RSPH6A: variants seen among roughly 807,000 people sequenced by gnomAD.
RSPH6A encodes the protein radial spoke head protein 6 homolog A.
In RSPH6A, 49 loss-of-function variants were observed where a neutral mutation model predicts 66.1. The observed-to-expected ratio is 0.74, with a 90% CI of 0.59 to 0.94. The LOEUF (loss-of-function observed/expected upper bound fraction) is 0.94, where lower values mean the gene tolerates loss of function less well. Among genes scored for constraint, RSPH6A ranks in the 40% least tolerant of loss-of-function variants. The pLI is 0.00. For synonymous variants in RSPH6A, 419 were observed against 402.4 expected (o/e 1.04, Z -0.49); for missense variants, 977 against 948.3 (o/e 1.03, Z -0.40).
intron 2 of RSPH6A, among the ~76,000 whole-genome samples, chr19:45,807,579 C>T (rs899677110): frequency 9.9e-5 from 15 of 152,172 alleles, no homozygotes; most frequent in African/African-American, 3.4e-4. Flanking sequence ...GGCACAATCT[C>T]GGCTCACTGC....
At chr19:45,797,120 C>T (rs898852914) in intron 5 of RSPH6A, among the ~76,000 whole-genome samples, 2 of 151,534 alleles carry the variant, frequency 1.3e-5, no homozygotes, top group African/African-American at 4.8e-5. Flanking sequence ...CTCACGCCTG[C>T]AATCCCAGCA....
At position 45,804,386 on chromosome 19, in the gene RSPH6A, C is replaced by T. The variant is rs779461828; in HGVS notation, c.1519G>A (p.Gly507Ser). The T allele has an allele frequency of 6.2e-6, 10 of 1,614,058 alleles. No homozygotes were observed. Among genetic ancestry groups the T allele is most frequent in the South Asian group, 1.1e-5 (1 of 91,082 alleles). Residue 507 changes from glycine to serine, a missense_variant, in exon 3 of 6, where the codon GGC becomes AGC. Physicochemically the swap from Gly to Ser is moderately conservative, Grantham distance 56 (BLOSUM62 0). Transcript: ENST00000221538. This position sits in a 1 kb window ranked among gnomAD's most constrained non-coding sequence, Gnocchi z 5.8. ...LGFYQFSEEE[G>S]DEEEEGGAGR... is the part of the protein sequence containing the mutation. ...GCACCACCTTCCTCCTCCTCGTCGC[C>T]CTCCTCCTCACTAAACTGGTAGAAG...
In RSPH6A at chr19:45,807,510, C is replaced by T. The variant is rs528798932; in HGVS notation, c.889-2494G>A. On this transcript the variant is annotated intron_variant, in intron 2 of 5. Transcript: ENST00000221538. Reference sequence around the variant, plus strand: ...GATTACAAGCGTGAGCCACTGCGCCCGGCCCATTACTATTTTTTGAGACGG... The same window carrying T: ...GATTACAAGCGTGAGCCACTGCGCCTGGCCCATTACTATTTTTTGAGACGG... Among the ~76,000 whole-genome samples the T allele has an allele frequency of 6.8e-5, 10 of 147,452 alleles. No homozygotes were observed. In the South Asian group the frequency reaches 1.7e-3, roughly 26 times the overall value.
chr19:45,810,948 A>C, intron 1 of RSPH6A, 108 bp from the exon 2 acceptor site: 9 of 758,556 alleles, frequency 1.2e-5, no homozygotes, highest in Middle Eastern at 2.6e-4. Context: ...ACAGTAGGGA[A>C]CTGAAAAGGT....
intron 2 of RSPH6A, among the ~76,000 whole-genome samples, chr19:45,806,813 G>T (rs1970550569): frequency 6.6e-6 from 1 of 151,548 alleles, no homozygotes; most frequent in Non-Finnish European, 1.5e-5. Context: ...GGAAATGCCT[G>T]CCAGCCCCTA....
chr19:45,800,656 G>A, intron 4 of RSPH6A, 93 bp from the exon 5 acceptor site: 1 of 1,090,694 alleles, frequency 9.2e-7, no homozygotes, highest in African/African-American at 1.6e-5. Context: ...AGCAGTGAGG[G>A]AGGCCTGGAG....
intron 4 of RSPH6A, among the ~76,000 whole-genome samples, chr19:45,801,781 A>ACAC (rs1316054828): frequency 7.0e-6 from 1 of 142,900 alleles, no homozygotes; most frequent in South Asian, 2.3e-4. Context: ...AATGACAACA[A>ACAC]CACCACCACC....
At chr19:45,812,686 G>A (rs912887151) in intron 1 of RSPH6A, among the ~76,000 whole-genome samples, 2 of 151,926 alleles carry the variant, frequency 1.3e-5, no homozygotes, top group African/African-American at 4.8e-5. Flanking sequence ...GCTGAACCAC[G>A]TAAGGCCTTT....
intron 2 of RSPH6A, among the ~76,000 whole-genome samples, chr19:45,806,775 C>A (rs1322191276): frequency 6.6e-6 from 1 of 151,072 alleles, no homozygotes; most frequent in East Asian, 1.9e-4. Flanking sequence ...CTGCACGGGC[C>A]ACACACCAAT....
chr19:45,808,369 G>A (rs974807313), intron 2 of RSPH6A, among the ~76,000 whole-genome samples: 1 of 152,172 alleles, frequency 6.6e-6, no homozygotes, highest in African/African-American at 2.4e-5. Flanking sequence ...AGAGGTTGCA[G>A]TGAGCTGAGA....
In RSPH6A at chr19:45,814,839, T is replaced by C. The variant is rs764190896; in HGVS notation, c.338A>G (p.Glu113Gly). ...YSDESRMQVA[E>G]LTTSLMLQRL... ...CTGCAGCATTAGGCTGGTGGTGAGC[T>C]CGGCGACCTGCATCCTGCTTTCATC... The change falls in exon 1 of 6, where the codon GAG (glutamate) becomes GGG (glycine). Residue 113 changes from glutamate to glycine, a missense_variant. Transcript: ENST00000221538. 4.3e-6 allele frequency: 7 copies of C among 1,613,864 alleles called. No individual in the cohort carries two copies. In the East Asian group the frequency reaches 1.6e-4, roughly 36 times the overall value.
Position 45,802,177 on chromosome 19 carries a change from C to G in RSPH6A, c.1741G>C (p.Glu581Gln). 6.4e-7 allele frequency: 1 copy of G among 1,562,508 alleles called. No individual in the cohort carries two copies. The highest frequency in any genetic ancestry group is 8.7e-7 in the Non-Finnish European group (1 of 1,150,426). Residue 581 changes from glutamate to glutamine, a missense_variant, in exon 4 of 6, where the codon GAG (glutamate) becomes CAG (glutamine). Physicochemically the swap from Glu to Gln is conservative, Grantham distance 29. Coordinates refer to ENST00000221538, the MANE Select transcript of RSPH6A (RefSeq NM_030785.4). ...GGGCCAACCTCCTGCTCCACCTCCT[C>G]TGGCCCCTCATCTGCCTTCTCTTCC... ...EEEEKADEGP[E>Q]EVEQEVGPPL...
chr19:45,807,493 G>A (rs1970561850), intron 2 of RSPH6A, among the ~76,000 whole-genome samples: 1 of 150,396 alleles, frequency 6.6e-6, no homozygotes, highest in Non-Finnish European at 1.5e-5. Flanking sequence ...GGGATTACAA[G>A]CGTGAGCCAC....
chr19:45,814,508 A>T lies in RSPH6A; in HGVS notation c.650+19T>A, dbSNP rs772998995. ...CCTGCCTGGGTCCCCCACCCGCCCCACTCCTAGCCCCTGCTCACAGGCTGA... is the reference window on the plus strand; with the variant it reads ...CCTGCCTGGGTCCCCCACCCGCCCCTCTCCTAGCCCCTGCTCACAGGCTGA... On this transcript the variant is annotated intron_variant, in intron 1 of 5. Coordinates refer to ENST00000221538, the MANE Select transcript of RSPH6A (RefSeq NM_030785.4). The T allele has an allele frequency of 2.9e-6, 4 of 1,356,824 alleles. No individual in the cohort carries two copies. In the Admixed American group the frequency reaches 1.1e-4, roughly 37 times the overall value. 84.0% of individuals were successfully genotyped at this position (1,356,824 alleles called of 1,614,324 possible).
At chr19:45,805,593 G>A (rs926474358) in intron 2 of RSPH6A, among the ~76,000 whole-genome samples, 6 of 152,188 alleles carry the variant, frequency 3.9e-5, no homozygotes, top group African/African-American at 1.2e-4. Flanking sequence ...TTGGGAGGCT[G>A]AGGCAGGAGG....
At chr19:45,805,309 A>G (rs1223787760) in intron 2 of RSPH6A, among the ~76,000 whole-genome samples, 3 of 152,146 alleles carry the variant, frequency 2.0e-5, no homozygotes, top group Admixed American at 2.0e-4. Context: ...AGGCAGGAGA[A>G]TCACTTGAAC....
intron 1 of RSPH6A, among the ~76,000 whole-genome samples, chr19:45,811,493 A>G (rs966014325): frequency 6.6e-6 from 1 of 151,632 alleles, no homozygotes; most frequent in African/African-American, 2.4e-5. Context: ...GCTGGAGTGC[A>G]GTGGCACGAC....
Position 45,802,144 on chromosome 19 carries a change from GC to G in RSPH6A, c.1773del (p.Leu592Ter). ...CCTGCATCTTCTGAAAGTGGCGTTA[GC>G]AGTGGGGGGCCAACCTCCTGCTCCA... is the stretch of plus-strand genomic sequence containing the variant. ...EEVEQEVGPPLLTPLSEDAEI... is the reference protein window; with the variant it reads ...EEVEQEVGPPXLTPLSEDAEI... On this transcript the variant is annotated frameshift_variant, in exon 4 of 6. Transcript: ENST00000221538. LOFTEE classifies it high-confidence loss of function. The G allele has an allele frequency of 6.5e-7, 1 of 1,549,008 alleles. No homozygotes were observed. Among genetic ancestry groups the G allele is most frequent in the Non-Finnish European group, 8.8e-7 (1 of 1,141,716 alleles).
rs1406100538 is a variant in RSPH6A at position 45,804,918 on chromosome 19, G to A, written c.987C>T (p.Ala329=). Residue 329 remains alanine, a synonymous_variant, in exon 3 of 6, where the codon GCC becomes GCT. Coordinates refer to ENST00000221538, the MANE Select transcript of RSPH6A (RefSeq NM_030785.4). The surrounding 1 kb of genome is among the most constrained non-coding windows in gnomAD (Gnocchi z 5.8). ...GCTGCTGCTCCACCAGCTGTTTCATGGCCAGGAAAATGCGGAAGCTCTCGT... is the reference window on the plus strand; with the variant it reads ...GCTGCTGCTCCACCAGCTGTTTCATAGCCAGGAAAATGCGGAAGCTCTCGT... ...SSDESFRIFL[A]MKQLVEQQPI... is the part of the protein sequence containing the mutation. The A allele has an allele frequency of 1.2e-6, 2 of 1,614,110 alleles. No homozygotes were observed. The highest frequency in any genetic ancestry group is 1.7e-6 in the Non-Finnish European group (2 of 1,180,066).
Sources: allele counts gnomAD v4.1 joint callset (sites outside exome capture counted in the v4.1 genomes callset), GRCh38; gene constraint gnomAD v4.1.1; non-coding constraint Gnocchi (gnomAD v3.1); transcripts MANE v1.5; gene names NCBI Gene and HGNC (gene_info 2026-07-23, HGNC 2026-07-21).